TBC1D1: variants seen among roughly 807,000 people sequenced by gnomAD.
The protein encoded by TBC1D1 is TBC1 domain family member 1.
A neutral mutation model predicts 125.6 loss-of-function variants in TBC1D1; 89 were observed. That is an observed-to-expected ratio of 0.71 (90% CI 0.60 to 0.85). The LOEUF is 0.85. TBC1D1 is among the 40% of genes least tolerant of loss of function. TBC1D1 has a pLI of 0.00. For synonymous variants in TBC1D1, 565 were observed against 564.1 expected, an observed-to-expected ratio of 1.00 and a Z score of -0.02; for missense variants, 1,377 against 1,469.2, an observed-to-expected ratio of 0.94 and a Z score of 1.03.
chr4:37,981,016 C>T (rs547225468), intron 2 of TBC1D1, among the ~76,000 whole-genome samples: 4 of 152,072 alleles, frequency 2.6e-5, no homozygotes, highest in South Asian at 4.2e-4. Context: ...GATCTCGGCT[C>T]ACTGCAACCT....
At chr4:38,052,109 G>C in intron 11 of TBC1D1, 49 bp downstream of exon 12, 1 of 1,538,212 alleles carries the variant, frequency 6.5e-7, no homozygotes, top group Non-Finnish European at 8.8e-7. Flanking sequence ...TTCCTGGGGA[G>C]TTCACACTGA....
At chr4:37,963,855 T>A (rs1037017519) in intron 2 of TBC1D1, among the ~76,000 whole-genome samples, 3 of 152,236 alleles carry the variant, frequency 2.0e-5, no homozygotes, top group Non-Finnish European at 4.4e-5. Flanking sequence ...TTAGGAATGA[T>A]ATCCCTGCTC....
chr4:37,918,424 ATCACGGTG>A (rs1720169365), intron 2 of TBC1D1, among the ~76,000 whole-genome samples: 9 of 150,758 alleles, frequency 6.0e-5, no homozygotes, highest in Non-Finnish European at 1.2e-4. Context: ...AACAAATGTG[ATCACGGTG>A]TGTTTTGGCA....
chr4:38,059,593 G>A (rs1274386035), intron 12 of TBC1D1, among the ~76,000 whole-genome samples: 2 of 152,190 alleles, frequency 1.3e-5, no homozygotes, highest in Non-Finnish European at 2.9e-5. Context: ...GGTTCTTAGG[G>A]TGAATGCCTT....
intron 13 of TBC1D1, among the ~76,000 whole-genome samples, chr4:38,094,707 G>C (rs142731093): frequency 8.5e-5 from 13 of 152,202 alleles, no homozygotes; most frequent in African/African-American, 2.9e-4. Context: ...GGCTCTGTTA[G>C]GGTGGCCAGA....
At chr4:38,124,841 G>A (rs1764381428) in intron 17 of TBC1D1, 121 bp from the exon 20 acceptor site, 2 of 737,286 alleles carry the variant, frequency 2.7e-6, no homozygotes, top group East Asian at 2.5e-5. Context: ...ATGAAATAAA[G>A]TTTGCAATGT....
At chr4:38,047,338 T>C (rs28375756) in intron 10 of TBC1D1, among the ~76,000 whole-genome samples, 86,711 of 151,794 alleles carry the variant, frequency 0.57, 25,822 homozygotes, top group African/African-American at 0.75. Flanking sequence ...GTAGGCAGGG[T>C]GGGGGGAGCC....
chr4:37,921,701 G>T (rs1016389053), intron 2 of TBC1D1, among the ~76,000 whole-genome samples: 5 of 151,912 alleles, frequency 3.3e-5, no homozygotes, highest in Admixed American at 6.6e-5. Context: ...GTGAGCCACT[G>T]CGTCCAGCCC....
At chr4:38,068,594 A>G (rs1348023783) in intron 12 of TBC1D1, among the ~76,000 whole-genome samples, 1 of 151,916 alleles carries the variant, frequency 6.6e-6, no homozygotes, top group Non-Finnish European at 1.5e-5. Context: ...ATTTATCTCA[A>G]CCTCGCATCT....
At chr4:38,057,683 C>G (rs1438660631) in intron 12 of TBC1D1, among the ~76,000 whole-genome samples, 1 of 152,220 alleles carries the variant, frequency 6.6e-6, no homozygotes, top group Non-Finnish European at 1.5e-5. Flanking sequence ...ATATTATGCT[C>G]TTTTTATACT....
chr4:38,106,851 G>A (rs969857661), intron 15 of TBC1D1, among the ~76,000 whole-genome samples: 4 of 152,124 alleles, frequency 2.6e-5, no homozygotes. Flanking sequence ...CCCCACCACG[G>A]CCTCCCCTGC....
chr4:38,014,757 A>G lies in TBC1D1; in HGVS notation c.666A>G (p.Thr222=). The stretch of plus-strand genomic sequence containing the variant: ...CCAACCCGCCCCATGCCGCGCCCAC[A>G]GGGAGCCAGGAGCCTGTGCGCAGGC... The change falls in exon 3 of 20, where the codon ACA becomes ACG. Residue 222 remains threonine, a synonymous_variant. Coordinates refer to ENST00000261439, the MANE Select transcript of TBC1D1 (RefSeq NM_015173.4). The surrounding 1 kb of genome is among the most constrained non-coding windows in gnomAD (Gnocchi z 5.1). The G allele has an allele frequency of 1.4e-6, 2 of 1,384,302 alleles. No homozygotes were observed. Among genetic ancestry groups the G allele is most frequent in the South Asian group, 1.1e-5 (1 of 87,240 alleles). The allele number at this position is 1,384,302 out of a possible 1,614,324, so 85.8% of individuals were successfully genotyped here. A position where few individuals can be genotyped will look rare whatever the true frequency, so the allele number is the denominator to read the frequency against.
At chr4:38,076,272 C>T (rs1755579662) in intron 12 of TBC1D1, among the ~76,000 whole-genome samples, 1 of 152,184 alleles carries the variant, frequency 6.6e-6, no homozygotes, top group African/African-American at 2.4e-5. Flanking sequence ...TGAGAACTAA[C>T]TCACTATCAT....
At chr4:37,922,503 CGTCCTGAA>C (rs1721218931) in intron 2 of TBC1D1, among the ~76,000 whole-genome samples, 1 of 152,200 alleles carries the variant, frequency 6.6e-6, no homozygotes, top group Non-Finnish European at 1.5e-5. Context: ...GCCTTTAAGC[CGTCCTGAA>C]TCATGTGCTA....
chr4:38,089,821 G>T lies in TBC1D1; in HGVS notation c.2051-111G>T, dbSNP rs191527850. On this transcript the variant is annotated intron_variant, in intron 12 of 19. Transcript: ENST00000261439. ...TTAACACAGGAATTTTAAATTTGGT[G>T]ATATTATTATATTTTATCTGAATGA... 1.0e-4 allele frequency: 117 copies of T among 1,138,558 alleles called. No homozygotes were observed. In the East Asian group the frequency reaches 1.3e-3, roughly 13 times the overall value. 70.5% of individuals were successfully genotyped at this position (1,138,558 alleles called of 1,614,324 possible).
intron 8 of TBC1D1, among the ~76,000 whole-genome samples, chr4:38,041,049 TG>T (rs1380240952): frequency 6.6e-6 from 1 of 152,254 alleles, no homozygotes; most frequent in Non-Finnish European, 1.5e-5. Flanking sequence ...GCCATTCTTT[TG>T]ATGCATATTC....
chr4:38,091,693 C>T (rs531737176), intron 13 of TBC1D1, among the ~76,000 whole-genome samples: 1 of 152,186 alleles, frequency 6.6e-6, no homozygotes, highest in Admixed American at 6.5e-5. Flanking sequence ...GTGAGGACAG[C>T]TATAATTGGT....
At chr4:37,959,488 G>C (rs2152329919) in intron 2 of TBC1D1, among the ~76,000 whole-genome samples, 1 of 152,326 alleles carries the variant, frequency 6.6e-6, no homozygotes, top group South Asian at 2.1e-4. Context: ...TGCAGTCTCA[G>C]AGGTGGCAGC....
intron 2 of TBC1D1, among the ~76,000 whole-genome samples, chr4:37,940,319 CTGTT>C (rs1294101719): frequency 6.6e-6 from 1 of 152,160 alleles, no homozygotes; most frequent in African/African-American, 2.4e-5. Flanking sequence ...ATTTGGCTCT[CTGTT>C]TGTCTTTTAT....
Sources: gnomAD v4.1 joint callset for allele counts (sites outside exome capture counted in the v4.1 genomes callset) on GRCh38, gnomAD v4.1.1 for gene constraint, Gnocchi (gnomAD v3.1) non-coding constraint, MANE v1.5 for transcripts, NCBI Gene and HGNC (gene_info 2026-07-23, HGNC 2026-07-21) for gene names.